The following AMMECR1 variants were observed in gnomAD, a reference collection of about 807,000 sequenced individuals.
The protein encoded by AMMECR1 is AMMECR nuclear protein 1.
A neutral mutation model predicts 22.5 loss-of-function variants in AMMECR1; 3 were observed. The observed-to-expected ratio is 0.13, with a 90% CI of 0.06 to 0.35. AMMECR1 has a LOEUF of 0.35. Ranked by LOEUF, AMMECR1 falls within the 10% of genes least tolerant of loss-of-function variation. The probability of loss-of-function intolerance (pLI) is 1.00; values close to 1 mark genes in which losing one functional copy is unlikely to be tolerated. For synonymous variants in AMMECR1, 130 were observed against 116.7 expected, an observed-to-expected ratio of 1.11 and a Z score of -0.74; for missense variants, 235 against 278.7, an observed-to-expected ratio of 0.84 and a Z score of 1.12.
intron 2 of AMMECR1, among the ~76,000 whole-genome samples, chrX:110,262,290 G>A (rs2067745711): frequency 8.9e-6 from 1 of 111,759 alleles, no homozygotes; most frequent in Admixed American, 9.5e-5. Flanking sequence ...AAAATGAGAA[G>A]TAAAACCAGG....
intron 1 of AMMECR1, among the ~76,000 whole-genome samples, chrX:110,439,738 C>T (rs2068865925): frequency 1.8e-5 from 2 of 110,620 alleles, no homozygotes; most frequent in African/African-American, 3.3e-5. Context: ...GAAGCAGTTT[C>T]GGGCGAAGGG....
At chrX:110,259,238 C>T (rs2067726288) in intron 2 of AMMECR1, among the ~76,000 whole-genome samples, 1 of 111,584 alleles carries the variant, frequency 9.0e-6, no homozygotes, top group African/African-American at 3.3e-5. Context: ...AAACACAGCA[C>T]ATCACCTTTT....
chrX:110,350,453 A>G (rs368565081), intron 2 of AMMECR1, among the ~76,000 whole-genome samples: 2 of 111,939 alleles, frequency 1.8e-5, no homozygotes. Flanking sequence ...CAACAGGGCA[A>G]TTAGGGAAGA....
intron 2 of AMMECR1, among the ~76,000 whole-genome samples, chrX:110,249,074 A>G (rs2067673568): frequency 8.9e-6 from 1 of 111,896 alleles, no homozygotes; most frequent in African/African-American, 3.3e-5. Flanking sequence ...TGAAGAAAAA[A>G]GTCATATTAA....
intron 1 of AMMECR1, among the ~76,000 whole-genome samples, chrX:110,283,773 T>C (rs1407247520): frequency 1.8e-5 from 2 of 112,258 alleles, no homozygotes; most frequent in Admixed American, 9.4e-5. Context: ...CCGTAGCACC[T>C]GGTAAGGGTC....
intron 2 of AMMECR1, among the ~76,000 whole-genome samples, chrX:110,236,726 T>C (rs1339192542): frequency 8.9e-6 from 1 of 112,506 alleles, no homozygotes; most frequent in East Asian, 2.8e-4. Context: ...AAATATTAAA[T>C]GGCATTACTG....
intron 1 of AMMECR1, among the ~76,000 whole-genome samples, chrX:110,277,079 T>C (rs959321531): frequency 9.0e-6 from 1 of 111,246 alleles, no homozygotes; most frequent in Non-Finnish European, 1.9e-5. Flanking sequence ...TTCATGTATT[T>C]TGTCTGGTTT....
At chrX:110,235,573 T>A (rs754535085) in intron 2 of AMMECR1, among the ~76,000 whole-genome samples, 75 of 112,399 alleles carry the variant, frequency 6.7e-4, no homozygotes, top group Non-Finnish European at 1.2e-3. Context: ...TAAATGTCCA[T>A]CACTGATAGA....
At chrX:110,227,561 C>T (rs1260617553) in intron 2 of AMMECR1, among the ~76,000 whole-genome samples, 1 of 112,270 alleles carries the variant, frequency 8.9e-6, no homozygotes, top group East Asian at 2.8e-4. Flanking sequence ...TCTCTTCTTC[C>T]TTTTCCCCAC....
intron 2 of AMMECR1, among the ~76,000 whole-genome samples, chrX:110,385,152 G>A (rs1401554386): frequency 9.0e-6 from 1 of 110,945 alleles, no homozygotes; most frequent in Non-Finnish European, 1.9e-5. Context: ...TGAGACCTCA[G>A]GCAAATCACT....
At chrX:110,438,509 A>G (rs1021857042) in intron 1 of AMMECR1, among the ~76,000 whole-genome samples, 2 of 111,536 alleles carry the variant, frequency 1.8e-5, no homozygotes, top group East Asian at 5.6e-4. Flanking sequence ...TCCAAGTATC[A>G]TTTTCTCAGA....
intron 5 of AMMECR1, among the ~76,000 whole-genome samples, chrX:110,200,108 C>G (rs2067389835): frequency 8.9e-6 from 1 of 111,810 alleles, no homozygotes; most frequent in Admixed American, 9.5e-5. Flanking sequence ...AAAAAAAATC[C>G]CTTTTTACCT....
At chrX:110,300,410 A>G (rs1421104922) in intron 1 of AMMECR1, among the ~76,000 whole-genome samples, 1 of 112,419 alleles carries the variant, frequency 8.9e-6, no homozygotes, top group East Asian at 2.8e-4. Context: ...AAAATAACAC[A>G]ATGGTCAATT....
chrX:110,407,001 G>A (rs2068606958), intron 2 of AMMECR1, among the ~76,000 whole-genome samples: 1 of 111,469 alleles, frequency 9.0e-6, no homozygotes, highest in Non-Finnish European at 1.9e-5. Context: ...TGCCTTCTTT[G>A]GCACCTGGAT....
Position 110,279,595 on chromosome X carries a change from T to C in AMMECR1, c.474-14996A>G, listed in dbSNP as rs183871719. Among the ~76,000 whole-genome samples, 683 of 112,002 alleles carry C rather than the reference T, an allele frequency of 6.1e-3. 3 individuals are homozygous for C. Among genetic ancestry groups the C allele is most frequent in the Middle Eastern group, 0.014 (3 of 217 alleles). ...AGTTTAAAAAGAAACAAATGTAGTTTTATTATTTTTGAAGTATACTGACAC... is the reference window on the plus strand; with the variant it reads ...AGTTTAAAAAGAAACAAATGTAGTTCTATTATTTTTGAAGTATACTGACAC... On this transcript the variant is annotated intron_variant, in intron 1 of 5. Transcript: ENST00000262844.
chrX:110,331,435 C>T (rs768005320), intron 2 of AMMECR1, among the ~76,000 whole-genome samples: 9 of 109,115 alleles, frequency 8.2e-5, no homozygotes, highest in Non-Finnish European at 5.7e-5. Flanking sequence ...TTAGGTATTC[C>T]CTATTTTGGT....
In AMMECR1 at chrX:110,416,735, G is replaced by A. The variant is rs140347862; in HGVS notation, c.-148+9923C>T. Among the ~76,000 whole-genome samples the A allele has an allele frequency of 1.1e-3, 123 of 112,061 alleles. 2 individuals carry two copies. In the East Asian group the frequency reaches 0.03, roughly 28 times the overall value. The stretch of plus-strand genomic sequence containing the variant: ...AAAGCCATACGCTCTGCTTCTAAGC[G>A]TCCTGTGGGGTTGGTGGGAAGGGTG... On this transcript the variant is annotated intron_variant, in intron 2 of 7. Coordinates refer to the AMMECR1 transcript ENST00000372057.
chrX:110,318,161 G>C (rs998388955), upstream of AMMECR1: 3 of 864,097 alleles, frequency 3.5e-6, no homozygotes, highest in African/African-American at 4.3e-5. Flanking sequence ...CAGGCCGCCG[G>C]GGGCGCGCCA....
chrX:110,262,162 A>G (rs1344600393), intron 2 of AMMECR1, among the ~76,000 whole-genome samples: 1 of 112,351 alleles, frequency 8.9e-6, no homozygotes, highest in Non-Finnish European at 1.9e-5. Flanking sequence ...TTTTGATGCT[A>G]AAATGAATCC....
Sources: allele counts gnomAD v4.1 joint callset (sites outside exome capture counted in the v4.1 genomes callset), GRCh38; gene constraint gnomAD v4.1.1; transcripts MANE v1.5; gene names NCBI Gene and HGNC (gene_info 2026-07-23, HGNC 2026-07-21).